Variants in VPS13B observed in about 807,000 individuals in gnomAD.
VPS13B encodes the protein intermembrane lipid transfer protein VPS13B.
In VPS13B, 285 loss-of-function variants were observed where a neutral mutation model predicts 426.4. That is an observed-to-expected ratio of 0.67 (90% CI 0.61 to 0.74). The LOEUF is 0.74. Ranked by LOEUF, VPS13B falls within the 30% of genes least tolerant of loss-of-function variation. The pLI, the probability that VPS13B is intolerant of heterozygous loss-of-function variation, is 0.00. For synonymous variants in VPS13B, 1,676 were observed against 1,676.4 expected (o/e 1.00, Z 0.01); for missense variants, 4,537 against 4,782.6 (o/e 0.95, Z 1.51).
At chr8:99,501,639 AT>A (rs1821236702) in intron 25 of VPS13B, 47 bp from the exon 26 acceptor site, 2 of 1,565,654 alleles carry the variant, frequency 1.3e-6, no homozygotes, top group Non-Finnish European at 1.8e-6. Context: ...ATTTTCTGTT[AT>A]TTTTGTTTAT....
At chr8:99,666,570 T>G (rs183332606) in intron 35 of VPS13B, among the ~76,000 whole-genome samples, 2 of 152,240 alleles carry the variant, frequency 1.3e-5, no homozygotes, top group Admixed American at 1.3e-4. Flanking sequence ...CATGATTATC[T>G]CAATAGATGC....
chr8:99,275,066 AAT>A lies in VPS13B; in HGVS notation c.2651-12_2651-11del. 1 of 1,583,746 alleles carries A rather than the reference AAT, an allele frequency of 6.3e-7. No homozygotes were observed. Among genetic ancestry groups the A allele is most frequent in the Non-Finnish European group, 8.6e-7 (1 of 1,166,792 alleles). On this transcript the variant is annotated splice_polypyrimidine_tract_variant and intron_variant, in intron 18 of 61. Coordinates refer to ENST00000357162, the MANE Select transcript of VPS13B (RefSeq NM_152564.5). Reference sequence around the variant, plus strand: ...GTTTTATTTTTATTATTGTTTTATAAATATTTCTTTTCAGTTGATAGTGGAAA... The same window carrying A: ...GTTTTATTTTTATTATTGTTTTATAAATTTCTTTTCAGTTGATAGTGGAAA...
chr8:99,474,081 G>A (rs926131286), intron 24 of VPS13B, among the ~76,000 whole-genome samples: 3 of 151,526 alleles, frequency 2.0e-5, no homozygotes, highest in African/African-American at 7.3e-5. Flanking sequence ...GCGTAATCAA[G>A]TTTAAAAAAA....
At chr8:99,814,023 C>T (rs932035864) in intron 44 of VPS13B, among the ~76,000 whole-genome samples, 1 of 152,080 alleles carries the variant, frequency 6.6e-6, no homozygotes, top group African/African-American at 2.4e-5. Flanking sequence ...GCCTGTAGTC[C>T]AAGCTACTTA....
At chr8:99,295,097 G>A (rs1588217323) in intron 19 of VPS13B, among the ~76,000 whole-genome samples, 1 of 152,166 alleles carries the variant, frequency 6.6e-6, no homozygotes, top group Admixed American at 6.5e-5. Context: ...AGATTTTACA[G>A]ATAAAATAAG....
intron 36 of VPS13B, among the ~76,000 whole-genome samples, chr8:99,714,053 C>T (rs1014498832): frequency 2.7e-5 from 4 of 150,286 alleles, no homozygotes; most frequent in Middle Eastern, 3.4e-3. Flanking sequence ...GGCAGGGAAT[C>T]GCTGGAACCC....
intron 16 of VPS13B, among the ~76,000 whole-genome samples, chr8:99,179,020 A>G (rs1402372371): frequency 1.3e-5 from 2 of 152,200 alleles, no homozygotes; most frequent in East Asian, 3.8e-4. Flanking sequence ...ATTCTTCATT[A>G]TGCCTTATAA....
At chr8:99,499,721 T>C (rs1821126948) in intron 25 of VPS13B, among the ~76,000 whole-genome samples, 1 of 152,104 alleles carries the variant, frequency 6.6e-6, no homozygotes. Flanking sequence ...ATATGAAAAC[T>C]GCACAAACAG....
intron 25 of VPS13B, among the ~76,000 whole-genome samples, chr8:99,485,187 C>G (rs1029695632): frequency 3.9e-5 from 6 of 152,170 alleles, no homozygotes; most frequent in African/African-American, 7.2e-5. Context: ...TTTTAATTTT[C>G]TCCTTAGCCC....
chr8:99,624,408 A>C (rs1828512331), intron 33 of VPS13B, among the ~76,000 whole-genome samples: 1 of 152,154 alleles, frequency 6.6e-6, no homozygotes, highest in African/African-American at 2.4e-5. Context: ...AGTGTAACTC[A>C]TAGAAGATGC....
At chr8:99,186,554 C>G (rs1813231448) in intron 16 of VPS13B, among the ~76,000 whole-genome samples, 1 of 151,916 alleles carries the variant, frequency 6.6e-6, no homozygotes, top group Admixed American at 6.6e-5. Context: ...GAGAAAAACC[C>G]CTCTTCATTG....
At chr8:99,098,560 T>C (rs1846551639) in intron 4 of VPS13B, among the ~76,000 whole-genome samples, 1 of 152,174 alleles carries the variant, frequency 6.6e-6, no homozygotes, top group African/African-American at 2.4e-5. Context: ...TTTTTAGTTT[T>C]GTAAAATGCT....
intron 33 of VPS13B, among the ~76,000 whole-genome samples, chr8:99,581,846 T>C (rs1826077287): frequency 6.6e-6 from 1 of 152,230 alleles, no homozygotes; most frequent in Admixed American, 6.5e-5. Context: ...TATTACAAAG[T>C]ACATTTCCTT....
chr8:99,417,535 C>G (rs995763058), intron 21 of VPS13B, among the ~76,000 whole-genome samples: 1 of 152,050 alleles, frequency 6.6e-6, no homozygotes, highest in Non-Finnish European at 1.5e-5. Flanking sequence ...TCATTTACTC[C>G]CCTGTTCAAA....
intron 17 of VPS13B, among the ~76,000 whole-genome samples, chr8:99,259,700 T>C (rs1370694194): frequency 6.6e-6 from 1 of 152,112 alleles, no homozygotes; most frequent in East Asian, 1.9e-4. Flanking sequence ...TGGGAACTAC[T>C]GAGCTAATAA....
intron 30 of VPS13B, among the ~76,000 whole-genome samples, chr8:99,543,281 C>T: frequency 6.6e-6 from 1 of 152,182 alleles, no homozygotes; most frequent in East Asian, 1.9e-4. Context: ...GAAACTCAAT[C>T]CCTTCCTTAC....
chr8:99,437,389 G>GAC (rs1439507005), intron 22 of VPS13B, among the ~76,000 whole-genome samples: 1 of 150,882 alleles, frequency 6.6e-6, no homozygotes, highest in Non-Finnish European at 1.5e-5. Context: ...TGTAGTCTTG[G>GAC]ACAGTCTTTT....
rs1459744373 is a variant in VPS13B at position 99,142,987 on chromosome 8, A to G, written c.1665A>G (p.Gln555=). The change falls in exon 13 of 62, where the codon CAA becomes CAG. Residue 555 remains glutamine (Q), a synonymous_variant. Coordinates refer to ENST00000357162, the MANE Select transcript of VPS13B (RefSeq NM_152564.5). ...GACTTCTTTTAGGTTCCACAAATCA[A>G]CAAGACTTTTCTTCAGGGAAAAGTG... is the stretch of plus-strand genomic sequence containing the variant. ...ENTSGKGSTN[Q]QDFSSGKSED... is the part of the protein sequence containing the mutation. 2 of 1,613,510 alleles carry G rather than the reference A, an allele frequency of 1.2e-6. No homozygotes were observed. Among genetic ancestry groups the G allele is most frequent in the South Asian group, 2.2e-5 (2 of 90,912 alleles).
intron 3 of VPS13B, among the ~76,000 whole-genome samples, chr8:99,092,937 C>CT (rs575185374): frequency 5.4e-4 from 77 of 143,064 alleles, no homozygotes; most frequent in South Asian, 1.1e-3. Flanking sequence ...GCTTTACTCA[C>CT]TTTTTTTTTT....
Sources: gnomAD v4.1 joint callset for allele counts (sites outside exome capture counted in the v4.1 genomes callset) on GRCh38, gnomAD v4.1.1 for gene constraint, MANE v1.5 for transcripts, NCBI Gene and HGNC (gene_info 2026-07-23, HGNC 2026-07-21) for gene names.